The following ANKRD30BL variants were observed in gnomAD, a reference collection of about 807,000 sequenced individuals.
ANKRD30BL encodes the protein ankyrin repeat domain 30B like.
ANKRD30BL carries 20 observed loss-of-function variants against 18.4 expected under a neutral mutation model. The observed-to-expected ratio is 1.09, with a 90% confidence interval of 0.77 to 1.58. ANKRD30BL has a LOEUF of 1.58. Among genes scored for constraint, ANKRD30BL ranks in the 40% most tolerant of loss-of-function variants. ANKRD30BL has a pLI of 0.00. For missense variants in ANKRD30BL, 224 were observed against 268.6 expected (o/e 0.83, Z 1.16); for synonymous variants, 72 against 100.9 (o/e 0.71, Z 1.72).
chr2:132,220,336 C>CTGTCCT (rs1679640319), intron 1 of ANKRD30BL, among the ~76,000 whole-genome samples: 1 of 101,320 alleles, frequency 9.9e-6, no homozygotes, highest in African/African-American at 4.2e-5. Flanking sequence ...GTCCCTCTCC[C>CTGTCCT]TCTCCCTCTC....
rs75230735 is a variant in ANKRD30BL at position 132,225,756 on chromosome 2, T to G, written n.441+31773A>C. 4.6e-5 allele frequency among the ~76,000 whole-genome samples: 7 copies of G among 152,252 alleles called. No homozygotes were observed. In the East Asian group the frequency reaches 1.4e-3, roughly 29 times the overall value. On this transcript the variant is annotated intron_variant and non_coding_transcript_variant, in intron 1 of 4. Coordinates refer to the ANKRD30BL transcript ENST00000470729. Reference sequence around the variant, plus strand: ...TGAACCTTTCTTTTGATAGAGCAGGTTTCAAACACTCTTTTTGTAGAATCT... The same window carrying G: ...TGAACCTTTCTTTTGATAGAGCAGGGTTCAAACACTCTTTTTGTAGAATCT...
chr2:132,182,243 G>T (rs1464400342), intron 1 of ANKRD30BL, among the ~76,000 whole-genome samples: 3 of 152,128 alleles, frequency 2.0e-5, no homozygotes, highest in East Asian at 3.8e-4. Context: ...AGGACTTTTG[G>T]AGGCTGAGAT....
At chr2:132,245,979 G>A (rs1355302665) in intron 1 of ANKRD30BL, among the ~76,000 whole-genome samples, 3 of 151,790 alleles carry the variant, frequency 2.0e-5, no homozygotes, top group Non-Finnish European at 4.4e-5. Flanking sequence ...CTAGACAGAA[G>A]CATTCTCAGA....
In ANKRD30BL at chr2:132,150,963, G is replaced by C. The variant is rs1017848466; in HGVS notation, c.628C>G (p.Leu210Val). ...GATATCTTTTGTTTATATTCCAAAA[G>C]TTGTTGATGAACGCTATGTATAAAA... ...VDKFKCVHQQ[L>V]LEYKQKISKN... Residue 210 changes from leucine to valine, a missense_variant, in exon 5 of 6, where the codon CTT becomes GTT. This residue lies in a region of ANKRD30BL where 63 missense variants were observed against 62.3 expected (regional missense o/e 1.01). Coordinates refer to ENST00000409867, the MANE Select transcript of ANKRD30BL (RefSeq NM_001358416.1). The C allele has an allele frequency of 3.3e-6, 2 of 610,858 alleles. No homozygotes were observed. Among genetic ancestry groups the C allele is most frequent in the African/African-American group, 3.8e-5 (2 of 52,244 alleles). 37.8% of individuals were successfully genotyped at this position (610,858 alleles called of 1,614,324 possible).
intron 1 of ANKRD30BL, among the ~76,000 whole-genome samples, chr2:132,187,882 C>A (rs1688597508): frequency 6.6e-6 from 1 of 151,886 alleles, no homozygotes; most frequent in South Asian, 2.1e-4. Context: ...CTTCAGCCTC[C>A]CAAGTAGCTG....
intron 1 of ANKRD30BL, among the ~76,000 whole-genome samples, chr2:132,184,797 G>C (rs1688535797): frequency 6.6e-6 from 1 of 151,384 alleles, no homozygotes; most frequent in South Asian, 2.1e-4. Context: ...TAAATAAATG[G>C]AATTAAGAAG....
intron 1 of ANKRD30BL, among the ~76,000 whole-genome samples, chr2:132,252,786 G>A (rs573379887): frequency 1.5e-4 from 22 of 150,318 alleles, no homozygotes; most frequent in South Asian, 6.3e-4. Flanking sequence ...CTTCCACCCC[G>A]CCAGGGCCAA....
intron 1 of ANKRD30BL, among the ~76,000 whole-genome samples, chr2:132,174,479 A>T (rs1283100853): frequency 6.6e-6 from 1 of 152,152 alleles, no homozygotes; most frequent in Non-Finnish European, 1.5e-5. Context: ...GGTGACATTA[A>T]TTTCCTCAGG....
chr2:132,202,525 T>C (rs537086530), intron 1 of ANKRD30BL, among the ~76,000 whole-genome samples: 120 of 151,860 alleles, frequency 7.9e-4, no homozygotes, highest in Non-Finnish European at 1.5e-3. Flanking sequence ...AATAAAACCC[T>C]GAATCCAATT....
chr2:132,220,820 C>T (rs952483999), intron 1 of ANKRD30BL, among the ~76,000 whole-genome samples: 7 of 150,980 alleles, frequency 4.6e-5, no homozygotes, highest in African/African-American at 9.8e-5. Context: ...TCTGCCTGGC[C>T]GCCCATCGTC....
At chr2:132,177,235 C>A (rs1688380613) in intron 1 of ANKRD30BL, among the ~76,000 whole-genome samples, 1 of 152,006 alleles carries the variant, frequency 6.6e-6, no homozygotes. Context: ...CTCACTGCAA[C>A]CTGAGCCTCC....
Position 132,247,986 on chromosome 2 carries a change from C to T in ANKRD30BL, n.441+9543G>A, listed in dbSNP as rs200802311. 3.9e-4 allele frequency among the ~76,000 whole-genome samples: 60 copies of T among 152,098 alleles called. 1 individual carries two copies. In the East Asian group the frequency reaches 0.011, roughly 28 times the overall value. On this transcript the variant is annotated intron_variant and non_coding_transcript_variant, in intron 1 of 4. Coordinates refer to the ANKRD30BL transcript ENST00000470729. ...GACAAATATCCCTTTACAGATTCTA[C>T]AATAAGACTTTTTCCAAACTGATCA...
At chr2:132,192,588 G>A (rs1678883415) in intron 1 of ANKRD30BL, among the ~76,000 whole-genome samples, 1 of 152,244 alleles carries the variant, frequency 6.6e-6, no homozygotes, top group Non-Finnish European at 1.5e-5. Context: ...GGTGGAAATA[G>A]TAAATATGAG....
At chr2:132,194,902 A>G (rs4437019) in intron 1 of ANKRD30BL, among the ~76,000 whole-genome samples, 17,278 of 152,200 alleles carry the variant, frequency 0.11, 3,255 homozygotes, top group African/African-American at 0.39. Flanking sequence ...ATACCATCCC[A>G]TCTTATCTCT....
intron 1 of ANKRD30BL, among the ~76,000 whole-genome samples, chr2:132,180,823 A>C (rs1198645196): frequency 6.6e-6 from 1 of 152,184 alleles, no homozygotes; most frequent in African/African-American, 2.4e-5. Context: ...TCTTTAACAT[A>C]AAATTATAAA....
At chr2:132,151,393 A>G (rs926544140) in intron 4 of ANKRD30BL, among the ~76,000 whole-genome samples, 2 of 152,172 alleles carry the variant, frequency 1.3e-5, no homozygotes, top group Non-Finnish European at 2.9e-5. Flanking sequence ...CATTTTAAAA[A>G]TGCTTAAAAT....
chr2:132,238,510 A>T (rs1250946560), intron 1 of ANKRD30BL, among the ~76,000 whole-genome samples: 2 of 152,054 alleles, frequency 1.3e-5, no homozygotes, highest in Admixed American at 6.6e-5. Flanking sequence ...TTCAACTGAC[A>T]GACTTGAACA....
intron 1 of ANKRD30BL, among the ~76,000 whole-genome samples, chr2:132,254,910 C>T (rs1680781095): frequency 6.6e-6 from 1 of 152,206 alleles, no homozygotes; most frequent in South Asian, 2.1e-4. Context: ...AGCTATCAAT[C>T]TGTCAATCCT....
At chr2:132,200,567 C>T (rs1170811923) in intron 1 of ANKRD30BL, among the ~76,000 whole-genome samples, 1 of 152,090 alleles carries the variant, frequency 6.6e-6, no homozygotes, top group East Asian at 1.9e-4. Context: ...GAATAAAATA[C>T]CTAGGAATCG....
Sources: gnomAD v4.1 joint callset for allele counts (sites outside exome capture counted in the v4.1 genomes callset) on GRCh38, gnomAD v4.1.1 for gene constraint, gnomAD v4.1.1 regional missense constraint, MANE v1.5 for transcripts, NCBI Gene and HGNC (gene_info 2026-07-23, HGNC 2026-07-21) for gene names.